AXDND1: variants seen among roughly 807,000 people sequenced by gnomAD.
The protein encoded by AXDND1 is axonemal dynein light chain domain containing 1, also known as axonemal dynein light chain domain-containing protein 1.
In AXDND1, 110 loss-of-function variants were observed where a neutral mutation model predicts 137.5. That is an observed-to-expected ratio of 0.80 (90% CI 0.69 to 0.94). The LOEUF (loss-of-function observed/expected upper bound fraction) is 0.94. Ranked by LOEUF, AXDND1 falls within the 40% of genes least tolerant of loss-of-function variation. The probability of loss-of-function intolerance (pLI) is 0.00; values close to 1 mark genes in which losing one functional copy is unlikely to be tolerated. For synonymous variants in AXDND1, 414 were observed against 399.7 expected (o/e 1.04, Z -0.43); for missense variants, 1,191 against 1,169.8 (o/e 1.02, Z -0.26).
At chr1:179,459,207 G>A (rs1051353380) in intron 16 of AXDND1, among the ~76,000 whole-genome samples, 1 of 152,046 alleles carries the variant, frequency 6.6e-6, no homozygotes, top group Non-Finnish European at 1.5e-5. Flanking sequence ...CCGAATAATG[G>A]CCTTGAACTC....
chr1:179,549,513 T>C (rs1008639118), intron 25 of AXDND1, among the ~76,000 whole-genome samples: 1 of 152,176 alleles, frequency 6.6e-6, no homozygotes, highest in Non-Finnish European at 1.5e-5. Flanking sequence ...AAGCAAAATC[T>C]GCCTTTGACA....
intron 18 of AXDND1, among the ~76,000 whole-genome samples, chr1:179,488,902 T>C (rs921966337): frequency 1.4e-5 from 2 of 145,856 alleles, no homozygotes; most frequent in Admixed American, 1.3e-4. Flanking sequence ...ACCAGGCCAA[T>C]TTTTGTATTT....
intron 25 of AXDND1, among the ~76,000 whole-genome samples, chr1:179,540,269 A>G (rs943202223): frequency 6.6e-6 from 1 of 152,066 alleles, no homozygotes; most frequent in Non-Finnish European, 1.5e-5. Context: ...GGAGGATAAG[A>G]GGCATTCTGG....
chr1:179,487,984 A>G (rs1666263094), intron 18 of AXDND1, among the ~76,000 whole-genome samples: 1 of 110,872 alleles, frequency 9.0e-6, no homozygotes, highest in African/African-American at 3.8e-5. Flanking sequence ...AAACAGAGTG[A>G]GACCATGTCT....
intron 25 of AXDND1, among the ~76,000 whole-genome samples, chr1:179,540,059 C>A (rs1671972141): frequency 6.6e-6 from 1 of 152,050 alleles, no homozygotes; most frequent in Non-Finnish European, 1.5e-5. Context: ...TTATGTTCTT[C>A]TCTACCCTGG....
At position 179,457,334 on chromosome 1, in the gene AXDND1, G is replaced by A. The variant is rs1314358516; in HGVS notation, c.1799-11109G>A. 3.7e-5 allele frequency: 21 copies of A among 565,372 alleles called. 1 individual carries two copies. The Admixed American group carries it at 4.4e-4, about 12-fold the overall frequency. The allele number at this position is 565,372 out of a possible 1,614,324, so 35.0% of individuals were successfully genotyped here. ...CTTTAGGAGACTCTGAGTTAGACAA[G>A]ACGGCCGGGAGAAGAGAGACTTTAA... is the stretch of plus-strand genomic sequence containing the variant. On this transcript the variant is annotated intron_variant, in intron 16 of 25. Transcript: ENST00000367618.
intron 18 of AXDND1, among the ~76,000 whole-genome samples, chr1:179,490,657 T>C (rs1349845503): frequency 6.6e-6 from 1 of 152,204 alleles, no homozygotes; most frequent in Non-Finnish European, 1.5e-5. Flanking sequence ...CACTTACCAA[T>C]GTAAGGCATG....
chr1:179,417,730 A>T (rs572109385), intron 12 of AXDND1, among the ~76,000 whole-genome samples: 9 of 147,040 alleles, frequency 6.1e-5, no homozygotes, highest in Non-Finnish European at 7.6e-5. Context: ...TTTAGGATTT[A>T]AAAAAAAAAT....
chr1:179,411,147 A>C lies in AXDND1; in HGVS notation c.1111A>C (p.Ile371Leu). 1.9e-6 allele frequency: 3 copies of C among 1,561,342 alleles called. No homozygotes were observed. The highest frequency in any genetic ancestry group is 2.8e-5 in the African/African-American group (2 of 72,384). Residue 371 changes from isoleucine (I) to leucine (L), a missense_variant and splice_region_variant, in exon 12 of 26, where the codon ATA becomes CTA. By Grantham distance (5) the Ile-to-Leu change is conservative. Transcript: ENST00000367618. ...GCTGTTTCTTAATTGTTTTTATAGA[A>C]TAGTAGAAGAATATCATGACTTATA... ...ALLNAEKNAK[I>L]VEEYHDLYTL...
rs542805572 is a variant in AXDND1 at position 179,403,399 on chromosome 1, G to C, written c.1110-7747G>C. ...CATCATGACTCTTCTCTGCTTCTTG[G>C]TTGTACTTTCAGCATTACTACTGAC... On this transcript the variant is annotated intron_variant, in intron 11 of 25. Coordinates refer to ENST00000367618, the MANE Select transcript of AXDND1 (RefSeq NM_144696.6). 2.6e-5 allele frequency among the ~76,000 whole-genome samples: 4 copies of C among 152,204 alleles called. No homozygotes were observed. In the East Asian group the frequency reaches 7.7e-4, roughly 29 times the overall value.
intron 18 of AXDND1, among the ~76,000 whole-genome samples, chr1:179,490,748 T>C (rs1048649847): frequency 7.0e-6 from 1 of 142,904 alleles, no homozygotes; most frequent in Admixed American, 7.5e-5. Flanking sequence ...CATGTTAATT[T>C]TCACACAGTA....
In AXDND1 at chr1:179,539,167, T is replaced by C. The variant is rs937018330; in HGVS notation, c.3031+4205T>C. ...CAATTTGCCAGTCTGTATCTTTTAA[T>C]TGGGGCATTTAGCCCATTTACATTT... On this transcript the variant is annotated intron_variant, in intron 25 of 25. Transcript: ENST00000367618. Among the ~76,000 whole-genome samples the C allele has an allele frequency of 3.9e-5, 6 of 152,342 alleles. No individual in the cohort carries two copies. In the East Asian group the frequency reaches 9.6e-4, roughly 24 times the overall value.
intron 23 of AXDND1, among the ~76,000 whole-genome samples, chr1:179,533,291 A>G (rs1671196723): frequency 6.6e-6 from 1 of 152,082 alleles, no homozygotes; most frequent in African/African-American, 2.4e-5. Context: ...TCTTTTTTCT[A>G]TATTTTCTTT....
chr1:179,513,566 A>C (rs1436666993), intron 21 of AXDND1, among the ~76,000 whole-genome samples: 1 of 152,068 alleles, frequency 6.6e-6, no homozygotes, highest in Non-Finnish European at 1.5e-5. Flanking sequence ...TATTAGGGTG[A>C]TTCTGCCTTC....
chr1:179,385,931 A>C (rs944377511), intron 9 of AXDND1, among the ~76,000 whole-genome samples: 2 of 152,124 alleles, frequency 1.3e-5, no homozygotes, highest in African/African-American at 4.8e-5. Flanking sequence ...AGTACTTTAA[A>C]GATGTTGTTG....
chr1:179,370,619 C>T (rs1667944952), intron 4 of AXDND1, among the ~76,000 whole-genome samples: 1 of 152,226 alleles, frequency 6.6e-6, no homozygotes, highest in Non-Finnish European at 1.5e-5. Context: ...CTAAGTCATT[C>T]TAAGGCGGTC....
chr1:179,418,608 C>T (rs1312252566), intron 12 of AXDND1, among the ~76,000 whole-genome samples: 3 of 149,986 alleles, frequency 2.0e-5, no homozygotes, highest in Non-Finnish European at 3.0e-5. Context: ...GGCGGCTGGC[C>T]GGGCGGGGGG....
In AXDND1 at chr1:179,550,720, A is replaced by C. The variant is rs924609589; in HGVS notation, c.3032-3792A>C. On this transcript the variant is annotated intron_variant, in intron 25 of 25. Coordinates refer to ENST00000367618, the MANE Select transcript of AXDND1 (RefSeq NM_144696.6). ...TTGAGGAAAACTAAGACTTGGTAGTATCATTGGAGAGAAGACTGCATCTTT... is the reference window on the plus strand; with the variant it reads ...TTGAGGAAAACTAAGACTTGGTAGTCTCATTGGAGAGAAGACTGCATCTTT... 1.5e-4 allele frequency: 31 copies of C among 205,658 alleles called. No individual in the cohort carries two copies. In the Admixed American group the frequency reaches 1.6e-3, roughly 11 times the overall value. The allele number at this position is 205,658 out of a possible 1,614,324, so 12.7% of individuals were successfully genotyped here. A position where few individuals can be genotyped will look rare whatever the true frequency, so the allele number is the denominator to read the frequency against.
intron 4 of AXDND1, among the ~76,000 whole-genome samples, chr1:179,372,599 A>G (rs1413550642): frequency 1.3e-5 from 2 of 152,118 alleles, no homozygotes; most frequent in Non-Finnish European, 2.9e-5. Flanking sequence ...TTGTTTTTTT[A>G]AATAAAAATA....
Sources: allele counts gnomAD v4.1 joint callset (sites outside exome capture counted in the v4.1 genomes callset), GRCh38; gene constraint gnomAD v4.1.1; transcripts MANE v1.5; gene names NCBI Gene and HGNC (gene_info 2026-07-23, HGNC 2026-07-21).